Variants in SOCS6 observed in about 807,000 individuals in gnomAD.
SOCS6 encodes the protein suppressor of cytokine signaling 6, also known as STAT induced STAT inhibitor-4.
In SOCS6, 5 loss-of-function variants were observed where a neutral mutation model predicts 27.7. The observed-to-expected ratio is 0.18, with a 90% CI of 0.09 to 0.38. The LOEUF (loss-of-function observed/expected upper bound fraction) is 0.38. Ranked by LOEUF, SOCS6 falls within the 10% of genes least tolerant of loss-of-function variation. The pLI is 1.00. For missense variants in SOCS6, 595 were observed against 688.1 expected (o/e 0.86, Z 1.51); for synonymous variants, 271 against 260.0 (o/e 1.04, Z -0.41).
At chr18:70,319,694 C>T (rs576386333) in intron 1 of SOCS6, among the ~76,000 whole-genome samples, 10 of 151,402 alleles carry the variant, frequency 6.6e-5, no homozygotes, top group Non-Finnish European at 1.5e-4. Context: ...AAATCTTCAC[C>T]CTGAGCTTAC....
At chr18:70,292,946 G>A (rs2062306506) in intron 1 of SOCS6, among the ~76,000 whole-genome samples, 1 of 152,104 alleles carries the variant, frequency 6.6e-6, no homozygotes. Flanking sequence ...CTACCTTATG[G>A]CTCCTTCAGT....
At position 70,326,023 on chromosome 18, in the gene SOCS6, C is replaced by A. The variant is rs780143990; in HGVS notation, c.1355C>A (p.Thr452Lys). The change falls in exon 2 of 2, where the codon ACG becomes AAG. Residue 452 changes from threonine (T) to lysine (K), a missense_variant. Thr to Lys is a moderately conservative substitution (Grantham distance 78). Around this residue, in one of 2 missense-constraint regions of SOCS6, gnomAD observed 128 missense variants for 207.0 expected, o/e 0.62. Coordinates refer to ENST00000397942, the MANE Select transcript of SOCS6 (RefSeq NM_004232.4). ...GAACAGCCAGATGTGGAAGGACATA[C>A]GTCCATAGTTGATCTAATTGAGCAT... The part of the protein sequence containing the change: ...FYEQPDVEGH[T>K]SIVDLIEHSI... The A allele has an allele frequency of 6.2e-7, 1 of 1,614,172 alleles. No homozygotes were observed. Among genetic ancestry groups the A allele is most frequent in the Non-Finnish European group, 8.5e-7 (1 of 1,179,982 alleles).
chr18:70,309,565 A>C (rs2062382240), intron 1 of SOCS6, among the ~76,000 whole-genome samples: 2 of 152,194 alleles, frequency 1.3e-5, no homozygotes, highest in Admixed American at 6.5e-5. Flanking sequence ...TTGCTCCACA[A>C]ATCACTCCAT....
chr18:70,300,175 G>T (rs2062342105), intron 1 of SOCS6, among the ~76,000 whole-genome samples: 1 of 151,872 alleles, frequency 6.6e-6, no homozygotes, highest in African/African-American at 2.4e-5. Flanking sequence ...CGCCCAAGCT[G>T]GAGTGCAGTG....
intron 1 of SOCS6, among the ~76,000 whole-genome samples, chr18:70,299,479 C>T (rs147163597): frequency 5.3e-5 from 8 of 152,266 alleles, no homozygotes; most frequent in Admixed American, 4.6e-4. Flanking sequence ...GTGCAAGGTC[C>T]CCGAATCTTG....
intron 1 of SOCS6, among the ~76,000 whole-genome samples, chr18:70,317,507 C>T (rs1481094118): frequency 0.024 from 2,564 of 108,078 alleles, 147 homozygotes; most frequent in African/African-American, 0.11. Context: ...TATATACATA[C>T]ATATATACAT....
intron 1 of SOCS6, among the ~76,000 whole-genome samples, chr18:70,305,736 G>A (rs2062366501): frequency 6.6e-6 from 1 of 152,160 alleles, no homozygotes; most frequent in African/African-American, 2.4e-5. Context: ...TCTTAGCAGT[G>A]TTTTGTAGTT....
At chr18:70,308,284 T>C (rs528321570) in intron 1 of SOCS6, among the ~76,000 whole-genome samples, 1 of 152,184 alleles carries the variant, frequency 6.6e-6, no homozygotes. Context: ...GGCGTAATCA[T>C]GGACAAGATG....
At chr18:70,299,541 T>C (rs2062339079) in intron 1 of SOCS6, among the ~76,000 whole-genome samples, 1 of 152,146 alleles carries the variant, frequency 6.6e-6, no homozygotes. Flanking sequence ...TTTCTCTTCA[T>C]TTCTCTTCAG....
At chr18:70,313,511 A>T (rs1367313297) in intron 1 of SOCS6, among the ~76,000 whole-genome samples, 1 of 152,124 alleles carries the variant, frequency 6.6e-6, no homozygotes, top group African/African-American at 2.4e-5. Context: ...TTTTAAAAAT[A>T]AATATTTATA....
In SOCS6 at chr18:70,318,627, T is replaced by A. The variant is rs562501509; in HGVS notation, c.-126-5916T>A. Among the ~76,000 whole-genome samples the A allele has an allele frequency of 1.4e-4, 22 of 152,030 alleles. No homozygotes were observed. In the Middle Eastern group the frequency reaches 0.01, roughly 71 times the overall value. On this transcript the variant is annotated intron_variant, in intron 1 of 1. Coordinates refer to ENST00000397942, the MANE Select transcript of SOCS6 (RefSeq NM_004232.4). Reference sequence around the variant, plus strand: ...ACATATTATTGTTGTTTTTTTTTTTTAATCAGATCTTAAAATGTTTTTCTT... The same window carrying A: ...ACATATTATTGTTGTTTTTTTTTTTAAATCAGATCTTAAAATGTTTTTCTT...
At chr18:70,321,313 T>G (rs893655727) in intron 1 of SOCS6, among the ~76,000 whole-genome samples, 9 of 26,042 alleles carry the variant, frequency 3.5e-4, no homozygotes, top group African/African-American at 1.4e-3. Context: ...ATTTTCTCAG[T>G]TTTTTTTTTT....
intron 1 of SOCS6, among the ~76,000 whole-genome samples, chr18:70,298,331 G>A (rs1253109191): frequency 6.6e-6 from 1 of 152,084 alleles, no homozygotes; most frequent in Non-Finnish European, 1.5e-5. Flanking sequence ...GAGATTTTTA[G>A]GGAATTTGCT....
chr18:70,318,174 T>TG (rs1214736211), intron 1 of SOCS6, among the ~76,000 whole-genome samples: 1 of 151,916 alleles, frequency 6.6e-6, no homozygotes, highest in Non-Finnish European at 1.5e-5. Context: ...ATTATATAGT[T>TG]TTTTTTTAAA....
intron 1 of SOCS6, among the ~76,000 whole-genome samples, chr18:70,314,590 T>C (rs2062403961): frequency 1.3e-5 from 2 of 152,196 alleles, no homozygotes; most frequent in African/African-American, 4.8e-5. Flanking sequence ...AGCTATACAA[T>C]CACAGTTTGT....
rs781334187 is a variant in SOCS6, at chr18:70,324,941, G to T, written c.273G>T (p.Ala91=). ...LSAKQKSKGK[A]GTPSGSSADE... is the part of the protein sequence containing the mutation. ...CAAAACAGAAGTCAAAAGGCAAGGC[G>T]GGCACACCCTCTGGGAGCTCTGCCG... is the stretch of plus-strand genomic sequence containing the variant. The change falls in exon 2 of 2, where the codon GCG becomes GCT. Residue 91 remains alanine, a synonymous_variant. Coordinates refer to ENST00000397942, the MANE Select transcript of SOCS6 (RefSeq NM_004232.4). 6.2e-7 allele frequency: 1 copy of T among 1,614,160 alleles called. No homozygotes were observed.
intron 1 of SOCS6, among the ~76,000 whole-genome samples, chr18:70,322,048 G>C (rs980550645): frequency 1.3e-5 from 2 of 152,112 alleles, no homozygotes; most frequent in African/African-American, 4.8e-5. Context: ...TTTAAGAAAA[G>C]GTTGAAATTA....
chr18:70,316,710 T>C (rs753917801), intron 1 of SOCS6, among the ~76,000 whole-genome samples: 2 of 152,178 alleles, frequency 1.3e-5, no homozygotes, highest in East Asian at 1.9e-4. Flanking sequence ...CTCTTTTTTT[T>C]CTTCAAAATT....
Position 70,325,042 on chromosome 18 carries a change from C to T in SOCS6, c.374C>T (p.Thr125Met), listed in dbSNP as rs1178246578. 5 of 1,614,034 alleles carry T rather than the reference C, an allele frequency of 3.1e-6. No individual in the cohort carries two copies. Among genetic ancestry groups the T allele is most frequent in the African/African-American group, 2.7e-5 (2 of 74,924 alleles). Residue 125 changes from threonine to methionine, a missense_variant, in exon 2 of 2, where the codon ACG (threonine) becomes ATG (methionine). This residue lies in a region of SOCS6 where 467 missense variants were observed against 481.1 expected (regional missense o/e 0.97). Transcript: ENST00000397942. The surrounding 1 kb of genome is among the most constrained non-coding windows in gnomAD (Gnocchi z 6.3). ...DVRAQRPIRSTSLRSHHYSPA... is the reference protein window; with the variant it reads ...DVRAQRPIRSMSLRSHHYSPA... ...AGAGCTCAGAGGCCGATAAGGTCCA[C>T]GTCGCTCCGCAGCCATCACTACAGT...
Sources: gnomAD v4.1 joint callset for allele counts (sites outside exome capture counted in the v4.1 genomes callset) on GRCh38, gnomAD v4.1.1 for gene constraint, gnomAD v4.1.1 regional missense constraint, Gnocchi (gnomAD v3.1) non-coding constraint, MANE v1.5 for transcripts, NCBI Gene and HGNC (gene_info 2026-07-23, HGNC 2026-07-21) for gene names.